ZNF394: variants seen among roughly 807,000 people sequenced by gnomAD.
ZNF394 encodes the protein zinc finger protein 394, also known as zinc finger protein 99.
Under a neutral mutation model 21.8 loss-of-function variants are expected in ZNF394, and 19 were observed. That is an observed-to-expected ratio of 0.87 (90% CI 0.61 to 1.28). The LOEUF (loss-of-function observed/expected upper bound fraction) is 1.28, where lower values mean the gene tolerates loss of function less well. ZNF394 is among the 50% of genes most tolerant of loss of function. The pLI, the probability that ZNF394 is intolerant of heterozygous loss-of-function variation, is 0.00. For missense variants in ZNF394, 683 were observed against 708.6 expected (o/e 0.96, Z 0.41); for synonymous variants, 294 against 273.3 (o/e 1.08, Z -0.75).
At chr7:99,487,229 C>T (rs773666949) in intron 1 of ZNF394, 8 of 1,614,154 alleles carry the variant, frequency 5.0e-6, no homozygotes, top group Admixed American at 1.7e-5. Context: ...AAACCGAACA[C>T]CCATAAATGC....
downstream of ZNF394, among the ~76,000 whole-genome samples, chr7:99,489,261 G>C (rs879490399): frequency 6.6e-6 from 1 of 151,270 alleles, no homozygotes; most frequent in Middle Eastern, 3.4e-3. Flanking sequence ...TCCAGCCTCG[G>C]TGACAGAGTA....
At chr7:99,487,089 GT>G (rs760656681) in intron 1 of ZNF394, 1 of 1,614,088 alleles carries the variant, frequency 6.2e-7, no homozygotes, top group Non-Finnish European at 8.5e-7. Context: ...GTGAAAAAAC[GT>G]TTAGTCAGAA....
rs549661925 is a variant in ZNF394 at position 99,498,841 on chromosome 7, C to T, written c.458G>A (p.Gly153Glu). The change falls in exon 2 of 3, where the codon GGG (glycine) becomes GAG (glutamate). Residue 153 changes from glycine to glutamate, a missense_variant and splice_region_variant. Physicochemically the swap from Gly to Glu is moderately conservative, Grantham distance 98. Coordinates refer to ENST00000337673, the MANE Select transcript of ZNF394 (RefSeq NM_032164.4). ...AGCCGTGTCCTCGAAAGTCACCATC[C>T]CCTGGAACAACACAAGAGCCCCATT... ...QRALDGTSSQ[G>E]MVTFEDTAVS... The T allele has an allele frequency of 6.2e-7, 1 of 1,612,334 alleles. No individual in the cohort carries two copies. Among genetic ancestry groups the T allele is most frequent in the East Asian group, 2.2e-5 (1 of 44,852 alleles).
chr7:99,493,236 T>C (rs761353293), downstream of ZNF394: 14 of 1,116,926 alleles, frequency 1.3e-5, no homozygotes, highest in East Asian at 6.4e-5. Context: ...CCAAGTCACA[T>C]AGAAACATAT....
At position 99,499,870 on chromosome 7, in the gene ZNF394, ACCT is replaced by A. The variant is rs780433601; in HGVS notation, c.221_223del (p.Glu74del). ...GCTCAGCGCCTCTTCCGGTCCAGCC[ACCT>A]CCTGGTAACGCAGCTGCCTAAAGTG... On this transcript the variant is annotated inframe_deletion, in exon 1 of 3. Coordinates refer to ENST00000337673, the MANE Select transcript of ZNF394 (RefSeq NM_032164.4). The A allele has an allele frequency of 6.2e-7, 1 of 1,614,064 alleles. No individual in the cohort carries two copies. Among genetic ancestry groups the A allele is most frequent in the South Asian group, 1.1e-5 (1 of 91,072 alleles).
At position 99,494,406 on chromosome 7, in the gene ZNF394, A is replaced by G. The variant is rs191245585; in HGVS notation, c.809T>C (p.Val270Ala). The G allele has an allele frequency of 1.2e-5, 19 of 1,614,072 alleles. No homozygotes were observed. The African/African-American group carries it at 1.7e-4, about 15-fold the overall frequency. The change falls in exon 3 of 3, where the codon GTC (valine) becomes GCC (alanine). Residue 270 changes from valine (V) to alanine (A), a missense_variant. Val to Ala is a moderately conservative substitution (Grantham distance 64). This residue lies in a region of ZNF394 where 402 missense variants were observed against 373.8 expected (regional missense o/e 1.08). Transcript: ENST00000337673. ...CCCTTCTATGGAACCATTCTTATTG[A>G]CATCTGAGATGCTGTTGAGTCCTTC... is the stretch of plus-strand genomic sequence containing the variant. ...EAEGLNSISD[V>A]NKNGSIEGED...
At chr7:99,491,088 A>G (rs1800152359), downstream of ZNF394, among the ~76,000 whole-genome samples, 1 of 152,042 alleles carries the variant, frequency 6.6e-6, no homozygotes, top group Admixed American at 6.6e-5. Flanking sequence ...TACATCAGGG[A>G]GAGAGTGGTC....
chr7:99,499,826 G>T lies in ZNF394; in HGVS notation c.268C>A (p.Arg90Ser), dbSNP rs770972688. The change falls in exon 1 of 3, where the codon CGT (arginine) becomes AGT (serine). Residue 90 changes from arginine (R) to serine (S), a missense_variant. Arg to Ser is a moderately radical substitution (Grantham distance 110, BLOSUM62 -1). Coordinates refer to ENST00000337673, the MANE Select transcript of ZNF394 (RefSeq NM_032164.4). ...EALSRLRELC[R>S]RWLRPELLSK... ...AGCAGCTCGGGTCTCAGCCACCGAC[G>T]ACAGAGTTCTCGGAGCCGGCTCAGC... 5 of 1,614,084 alleles carry T rather than the reference G, an allele frequency of 3.1e-6. No homozygotes were observed. The highest frequency in any genetic ancestry group is 2.7e-5 in the African/African-American group (2 of 74,944).
At chr7:99,487,537 C>T (rs1800042529) in intron 1 of ZNF394, 5 of 1,548,340 alleles carry the variant, frequency 3.2e-6, no homozygotes, top group Non-Finnish European at 4.4e-6. Context: ...TAAACCTCTA[C>T]TTCAAGTGTG....
chr7:99,494,963 G>C (rs1213079960), intron 2 of ZNF394, among the ~76,000 whole-genome samples: 1 of 151,954 alleles, frequency 6.6e-6, no homozygotes, highest in East Asian at 1.9e-4. Flanking sequence ...TCTATCTCTT[G>C]ACCTCATGAT....
In ZNF394 at chr7:99,494,530, G is replaced by A. The variant is rs1211113103; in HGVS notation, c.685C>T (p.Arg229Cys). 5 of 1,613,384 alleles carry A rather than the reference G, an allele frequency of 3.1e-6. No homozygotes were observed. The Admixed American group carries it at 5.0e-5, about 16-fold the overall frequency. The change falls in exon 3 of 3, where the codon CGC (arginine) becomes TGC (cysteine). Residue 229 changes from arginine to cysteine, a missense_variant. Physicochemically the swap from Arg to Cys is radical, Grantham distance 180. Coordinates refer to ENST00000337673, the MANE Select transcript of ZNF394 (RefSeq NM_032164.4). ...GQLQEAFQGK[R>C]PLFSKCGSTH... ...CTGCCACACTTAGAAAACAGGGGGCGCTTCCCCTGGAACGCTTCTTGTAGT... is the reference window on the plus strand; with the variant it reads ...CTGCCACACTTAGAAAACAGGGGGCACTTCCCCTGGAACGCTTCTTGTAGT...
downstream of ZNF394, among the ~76,000 whole-genome samples, chr7:99,492,936 G>A (rs1199832378): frequency 1.3e-5 from 2 of 152,084 alleles, no homozygotes; most frequent in Admixed American, 1.3e-4. Context: ...GGAGGGCTAC[G>A]ACGAGACCCA....
chr7:99,498,726 T>G lies in ZNF394; in HGVS notation c.573A>C (p.Thr191=), dbSNP rs999489438. The G allele has an allele frequency of 3.1e-6, 5 of 1,613,934 alleles. No homozygotes were observed. The highest frequency in any genetic ancestry group is 3.4e-6 in the Non-Finnish European group (4 of 1,179,978). The change falls in exon 2 of 3, where the codon ACA becomes ACC. Residue 191 remains threonine, a synonymous_variant. Coordinates refer to ENST00000337673, the MANE Select transcript of ZNF394 (RefSeq NM_032164.4). The part of the protein sequence containing the change: ...RESAQKDSGS[T]VPPSLESRVE... ...AGCAACAGCACTCACTCGGCGGAACTGTGCTCCCGGAATCCTTCTGCGCAC... is the reference window on the plus strand; with the variant it reads ...AGCAACAGCACTCACTCGGCGGAACGGTGCTCCCGGAATCCTTCTGCGCAC...
In ZNF394 at chr7:99,499,830, G is replaced by A. The variant is rs1800460606; in HGVS notation, c.264C>T (p.Leu88=). 6.2e-7 allele frequency: 1 copy of A among 1,614,078 alleles called. No homozygotes were observed. The highest frequency in any genetic ancestry group is 1.3e-5 in the African/African-American group (1 of 74,940). ...PEEALSRLRE[L]CRRWLRPELL... ...GCTCGGGTCTCAGCCACCGACGACA[G>A]AGTTCTCGGAGCCGGCTCAGCGCCT... is the stretch of plus-strand genomic sequence containing the variant. The change falls in exon 1 of 3, where the codon CTC becomes CTT. Residue 88 remains leucine, a synonymous_variant. Coordinates refer to ENST00000337673, the MANE Select transcript of ZNF394 (RefSeq NM_032164.4).
downstream of ZNF394, among the ~76,000 whole-genome samples, chr7:99,492,382 G>A (rs1399051686): frequency 1.3e-5 from 2 of 151,994 alleles, no homozygotes. Flanking sequence ...TGGCTCGTGT[G>A]TAATCCCAGC....
rs61740734 is a variant in ZNF394, at chr7:99,487,133, G to A, written n.84-170C>T. The A allele has an allele frequency of 1.0e-4, 164 of 1,614,180 alleles. No individual in the cohort carries two copies. In the African/African-American group the frequency reaches 2.0e-3, roughly 20 times the overall value. On this transcript the variant is annotated intron_variant and non_coding_transcript_variant, in intron 1 of 1. Coordinates refer to the ZNF394 transcript ENST00000462024. The stretch of plus-strand genomic sequence containing the variant: ...CTTATTCGACATCAGGTGATCCATA[G>A]TGGAGAAAAACGCCATAAATGCCTT...
At chr7:99,493,098 CTA>C, downstream of ZNF394, 1 of 612,802 alleles carries the variant, frequency 1.6e-6, no homozygotes, top group Non-Finnish European at 2.0e-6. Context: ...CTCACTGAAA[CTA>C]TCAGTCTGTA....
chr7:99,486,704 A>G, exon 2 of ZNF394: 1 of 1,614,172 alleles, frequency 6.2e-7, no homozygotes, highest in Non-Finnish European at 8.5e-7. Flanking sequence ...CAAGATCAGA[A>G]TGCGCAAACA....
chr7:99,495,099 C>T lies in ZNF394; in HGVS notation c.584-468G>A, dbSNP rs1297818357. Among the ~76,000 whole-genome samples the T allele has an allele frequency of 7.2e-5, 11 of 152,086 alleles. No individual in the cohort carries two copies. In the East Asian group the frequency reaches 1.5e-3, roughly 21 times the overall value. On this transcript the variant is annotated intron_variant, in intron 2 of 2. Coordinates refer to ENST00000337673, the MANE Select transcript of ZNF394 (RefSeq NM_032164.4). The stretch of plus-strand genomic sequence containing the variant: ...GGAGTGCAGTGGCATGATCTCGGCT[C>T]ACTGCAACCTCTGCCACCTGGGTTC...
Sources: gnomAD v4.1 joint callset for allele counts (sites outside exome capture counted in the v4.1 genomes callset) on GRCh38, gnomAD v4.1.1 for gene constraint, gnomAD v4.1.1 regional missense constraint, MANE v1.5 for transcripts, NCBI Gene and HGNC (gene_info 2026-07-23, HGNC 2026-07-21) for gene names.